The following PLXNB3 variants were observed in gnomAD, a reference collection of about 807,000 sequenced individuals.
The protein encoded by PLXNB3 is plexin-B3.
In PLXNB3, 80 loss-of-function variants were observed where a neutral mutation model predicts 125.7. That is an observed-to-expected ratio of 0.64 (90% CI 0.53 to 0.77). The LOEUF is 0.77. PLXNB3 is among the 30% of genes least tolerant of loss of function. The pLI, the probability that PLXNB3 is intolerant of heterozygous loss-of-function variation, is 0.00. For synonymous variants in PLXNB3, 954 were observed against 783.3 expected (o/e 1.22, Z -3.64); for missense variants, 1,836 against 1,729.3 (o/e 1.06, Z -1.09).
chrX:153,769,084 C>G lies in PLXNB3; in HGVS notation c.1395+8C>G. The G allele has an allele frequency of 2.5e-6, 3 of 1,207,421 alleles. No individual in the cohort carries two copies. The highest frequency in any genetic ancestry group is 3.4e-6 in the Non-Finnish European group (3 of 892,583). ...GTCCTGACTGCCCACCAGGTGAGGGCCATCCTGGGGCTGAAGGGGCCAGCA... is the reference window on the plus strand; with the variant it reads ...GTCCTGACTGCCCACCAGGTGAGGGGCATCCTGGGGCTGAAGGGGCCAGCA... On this transcript the variant is annotated splice_region_variant and intron_variant, in intron 5 of 35. Coordinates refer to ENST00000361971, the MANE Select transcript of PLXNB3 (RefSeq NM_005393.3).
At chrX:153,764,937 T>G (rs1285016833) in intron 1 of PLXNB3, among the ~76,000 whole-genome samples, 4 of 112,831 alleles carry the variant, frequency 3.5e-5, no homozygotes, top group African/African-American at 1.3e-4. Context: ...ACTTCACCAG[T>G]CCCCAGGGGC....
rs2092015924 is a variant in PLXNB3, at chrX:153,778,044, C to T, written c.5358C>T (p.Ile1786=). 1.2e-5 allele frequency: 15 copies of T among 1,211,901 alleles called. No homozygotes were observed. Among genetic ancestry groups the T allele is most frequent in the African/African-American group, 1.7e-5 (1 of 57,937 alleles). The change falls in exon 32 of 36, where the codon ATC becomes ATT. Residue 1786 remains isoleucine, a synonymous_variant. Coordinates refer to ENST00000361971, the MANE Select transcript of PLXNB3 (RefSeq NM_005393.3). ...SDNVDAILAV[I]AQTFIDSCTT... The stretch of plus-strand genomic sequence containing the variant: ...ATGTGGACGCCATCCTTGCTGTCAT[C>T]GCCCAGACCTTCATTGACTCCTGTA...
Position 153,767,296 on chromosome X carries a change from G to A in PLXNB3, c.469G>A (p.Asp157Asn). ...DVAEVLYQAEDPGDGQFVAAN... is the reference protein window; with the variant it reads ...DVAEVLYQAENPGDGQFVAAN... ...GGCCGAGGTGCTGTACCAGGCTGAG[G>A]ACCCTGGTGACGGGCAGTTTGTGGC... The change falls in exon 3 of 36, where the codon GAC becomes AAC. Residue 157 changes from aspartate to asparagine, a missense_variant. Coordinates refer to ENST00000361971, the MANE Select transcript of PLXNB3 (RefSeq NM_005393.3). 8.3e-7 allele frequency: 1 copy of A among 1,206,031 alleles called. No individual in the cohort carries two copies. The highest frequency in any genetic ancestry group is 1.1e-6 in the Non-Finnish European group (1 of 892,863).
chrX:153,775,934 C>T lies in PLXNB3; in HGVS notation c.4449C>T (p.Tyr1483=). The change falls in exon 27 of 36, where the codon TAC becomes TAT. Residue 1483 remains tyrosine (Y), a synonymous_variant. Coordinates refer to ENST00000361971, the MANE Select transcript of PLXNB3 (RefSeq NM_005393.3). ...ACATGCTCTTCCGGGCCATCCAGTA[C>T]CAGGTGGACAAAGGCCCCGTGGACG... The part of the protein sequence containing the change: ...PLYMLFRAIQ[Y]QVDKGPVDAV... 1 of 1,211,205 alleles carries T rather than the reference C, an allele frequency of 8.3e-7. No homozygotes were observed. The highest frequency in any genetic ancestry group is 1.1e-6 in the Non-Finnish European group (1 of 895,438).
In PLXNB3 at chrX:153,768,320, G is replaced by T. The variant is rs782134831; in HGVS notation, c.1158G>T (p.Glu386Asp). 5 of 1,209,808 alleles carry T rather than the reference G, an allele frequency of 4.1e-6. No individual in the cohort carries two copies. The highest frequency in any genetic ancestry group is 4.5e-6 in the Non-Finnish European group (4 of 894,218). The change falls in exon 4 of 36, where the codon GAG (glutamate) becomes GAT (aspartate). Residue 386 changes from glutamate (E) to aspartate (D), a missense_variant. Coordinates refer to ENST00000361971, the MANE Select transcript of PLXNB3 (RefSeq NM_005393.3). The part of the protein sequence containing the change: ...PSPIAGRQPL[E>D]VQPLLKLGQP... ...CCATTGCTGGCCGCCAGCCCCTGGA[G>T]GTCCAGCCTCTGCTGAAGCTCGGGC...
At chrX:153,771,189 G>A (rs1397809910) in intron 12 of PLXNB3, 108 bp downstream of exon 12, 4 of 916,648 alleles carry the variant, frequency 4.4e-6, no homozygotes, top group Non-Finnish European at 4.7e-6. Context: ...CTGTCTGTGG[G>A]CCCCAGTCTT....
chrX:153,768,864 A>G, intron 4 of PLXNB3, 84 bp from the exon 5 acceptor site: 2 of 1,065,217 alleles, frequency 1.9e-6, no homozygotes, highest in East Asian at 6.1e-5. Flanking sequence ...TCTAAAAAGG[A>G]GCCCCCACTA....
rs782479583 is a variant in PLXNB3 at position 153,769,676 on chromosome X, AGTCCCCTTCACGCCTC to A, written c.1497-130_1497-115del. 114 of 679,813 alleles carry A rather than the reference AGTCCCCTTCACGCCTC, an allele frequency of 1.7e-4. No individual in the cohort carries two copies. The East Asian group carries it at 2.1e-3, about 13-fold the overall frequency. The allele number at this position is 679,813 out of a possible 1,213,427, so 56.0% of individuals were successfully genotyped here. A position where few individuals can be genotyped will look rare whatever the true frequency, so the allele number is the denominator to read the frequency against. Reference sequence around the variant, plus strand: ...GCTTGGCCCCTTTCTCTCTGGACACAGTCCCCTTCACGCCTCCTGCTCATTGCACCCCACTGCACTC... The same window carrying A: ...GCTTGGCCCCTTTCTCTCTGGACACACTGCTCATTGCACCCCACTGCACTC... On this transcript the variant is annotated intron_variant, in intron 6 of 35. Coordinates refer to ENST00000361971, the MANE Select transcript of PLXNB3 (RefSeq NM_005393.3).
Position 153,778,036 on chromosome X carries a change from G to A in PLXNB3, c.5350G>A (p.Ala1784Thr). The A allele has an allele frequency of 1.7e-6, 2 of 1,211,949 alleles. No individual in the cohort carries two copies. Among genetic ancestry groups the A allele is most frequent in the Non-Finnish European group, 2.2e-6 (2 of 895,514 alleles). Reference sequence around the variant, plus strand: ...GTCGGACAATGTGGACGCCATCCTTGCTGTCATCGCCCAGACCTTCATTGA... The same window carrying A: ...GTCGGACAATGTGGACGCCATCCTTACTGTCATCGCCCAGACCTTCATTGA... ...RVSDNVDAIL[A>T]VIAQTFIDSC... The change falls in exon 32 of 36, where the codon GCT becomes ACT. Residue 1784 changes from alanine (A) to threonine (T), a missense_variant. By Grantham distance (58) the Ala-to-Thr change is moderately conservative. Transcript: ENST00000361971.
At position 153,771,545 on chromosome X, in the gene PLXNB3, A is replaced by G; in HGVS notation, c.2407A>G (p.Arg803Gly). 8.3e-7 allele frequency: 1 copy of G among 1,208,501 alleles called. No homozygotes were observed. ...CTGCAGCCACTGCCAAGCGGCCAAC[A>G]GGAGCCTGGGCTGCCTGTGGTGTGC... is the stretch of plus-strand genomic sequence containing the variant. ...PDCSHCQAAN[R>G]SLGCLWCADG... The change falls in exon 14 of 36, where the codon AGG (arginine) becomes GGG (glycine). Residue 803 changes from arginine to glycine, a missense_variant. Transcript: ENST00000361971.
intron 3 of PLXNB3, 55 bp from the exon 4 acceptor site, chrX:153,768,194 C>A (rs2148414962): frequency 1.8e-6 from 2 of 1,100,821 alleles, no homozygotes; most frequent in Non-Finnish European, 2.5e-6. Context: ...GGTACCCCCC[C>A]TGACTGCCTC....
chrX:153,771,891 G>A lies in PLXNB3; in HGVS notation c.2545G>A (p.Gly849Arg). 1 of 1,209,379 alleles carries A rather than the reference G, an allele frequency of 8.3e-7. No homozygotes were observed. The highest frequency in any genetic ancestry group is 1.1e-6 in the Non-Finnish European group (1 of 895,121). ...AVEPLTGPPEGGLALTILGSN... is the reference protein window; with the variant it reads ...AVEPLTGPPERGLALTILGSN... ...CGAGCCCCTGACCGGTCCCCCTGAGGGAGGCTTGGCCCTCACCATCCTGGG... is the reference window on the plus strand; with the variant it reads ...CGAGCCCCTGACCGGTCCCCCTGAGAGAGGCTTGGCCCTCACCATCCTGGG... The change falls in exon 15 of 36, where the codon GGA becomes AGA. Residue 849 changes from glycine to arginine, a missense_variant. By Grantham distance (125) the Gly-to-Arg change is moderately radical. Transcript: ENST00000361971.
At position 153,774,771 on chromosome X, in the gene PLXNB3, C is replaced by G. The variant is rs1557063407; in HGVS notation, c.3896C>G (p.Thr1299Ser). ...CTAGTGCAGCTGGAGAGCCTGGAGACCGGCGTGGGAGACCAGTGCCGCAAG... is the reference window on the plus strand; with the variant it reads ...CTAGTGCAGCTGGAGAGCCTGGAGAGCGGCGTGGGAGACCAGTGCCGCAAG... ...KVLVQLESLE[T>S]GVGDQCRKEF... Residue 1299 changes from threonine to serine, a missense_variant, in exon 23 of 36, where the codon ACC becomes AGC. Thr to Ser is a moderately conservative substitution (Grantham distance 58). Transcript: ENST00000361971. 2 of 1,203,019 alleles carry G rather than the reference C, an allele frequency of 1.7e-6. No homozygotes were observed. Among genetic ancestry groups the G allele is most frequent in the Non-Finnish European group, 2.2e-6 (2 of 890,960 alleles).
Position 153,775,600 on chromosome X carries a change from G to C in PLXNB3, c.4341G>C (p.Glu1447Asp), listed in dbSNP as rs782278086. 4.1e-6 allele frequency: 5 copies of C among 1,209,552 alleles called. No individual in the cohort carries two copies. Among genetic ancestry groups the C allele is most frequent in the Non-Finnish European group, 5.6e-6 (5 of 894,801 alleles). The change falls in exon 26 of 36, where the codon GAG becomes GAC. Residue 1447 changes from glutamate (E) to aspartate (D), a missense_variant. Glu to Asp is a conservative substitution (Grantham distance 45). Coordinates refer to ENST00000361971, the MANE Select transcript of PLXNB3 (RefSeq NM_005393.3). ...RNPKLMLRRTETMVEKLLTNW... is the reference protein window; with the variant it reads ...RNPKLMLRRTDTMVEKLLTNW... ...TGTGGCCGGCTCCCCGCAGGACAGA[G>C]ACCATGGTGGAGAAACTGCTCACCA...
Position 153,772,906 on chromosome X carries a change from G to C in PLXNB3, c.2796G>C (p.Leu932=), listed in dbSNP as rs782345329. Residue 932 remains leucine (L), a synonymous_variant, in exon 17 of 36, where the codon CTG becomes CTC. Transcript: ENST00000361971. ...GCCAGGACCCTGTCCTGCTGAGCCT[G>C]AGTCCTCGCTGGGGCCCCCAGGCAG... The part of the protein sequence containing the change: ...FTYQDPVLLS[L]SPRWGPQAGG... 37 of 1,151,063 alleles carry C rather than the reference G, an allele frequency of 3.2e-5. No homozygotes were observed. Among genetic ancestry groups the C allele is most frequent in the Non-Finnish European group, 4.2e-5 (37 of 871,314 alleles). The allele number at this position is 1,151,063 out of a possible 1,213,427, so 94.9% of individuals were successfully genotyped here. A position where few individuals can be genotyped will look rare whatever the true frequency, so the allele number is the denominator to read the frequency against.
At chrX:153,776,500 GGGGCA>G (rs1287567262) in intron 28 of PLXNB3, 41 bp downstream of exon 28, 3 of 434,114 alleles carry the variant, frequency 6.9e-6, no homozygotes, top group Middle Eastern at 6.1e-4. Flanking sequence ...GGGCTGGGGC[GGGGCA>G]GGGCGAGGCA....
chrX:153,770,470 G>T, intron 9 of PLXNB3, 24 bp downstream of exon 9: 1 of 1,200,518 alleles, frequency 8.3e-7, no homozygotes, highest in Non-Finnish European at 1.1e-6. Flanking sequence ...CCTGCCTCCT[G>T]GGGTAGGGGT....
chrX:153,774,321 G>C lies in PLXNB3; in HGVS notation c.3655G>C (p.Gly1219Arg). 8.6e-7 allele frequency: 1 copy of C among 1,160,942 alleles called. No homozygotes were observed. Among genetic ancestry groups the C allele is most frequent in the South Asian group, 1.9e-5 (1 of 53,006 alleles). The change falls in exon 21 of 36, where the codon GGC becomes CGC. Residue 1219 changes from glycine to arginine, a missense_variant. Coordinates refer to ENST00000361971, the MANE Select transcript of PLXNB3 (RefSeq NM_005393.3). Reference sequence around the variant, plus strand: ...TGCGCACGCCCCGCAGCCTGCCAATGGCTCCGGCCTGCCACAGTTCGTGGT... The same window carrying C: ...TGCGCACGCCCCGCAGCCTGCCAATCGCTCCGGCCTGCCACAGTTCGTGGT... ...PPAHAPQPAN[G>R]SGLPQFVVQM...
chrX:153,777,605 G>T lies in PLXNB3; in HGVS notation c.5178G>T (p.Lys1726Asn). 2 of 1,211,783 alleles carry T rather than the reference G, an allele frequency of 1.7e-6. No individual in the cohort carries two copies. Among genetic ancestry groups the T allele is most frequent in the Non-Finnish European group, 2.2e-6 (2 of 895,334 alleles). Residue 1726 changes from lysine to asparagine, a missense_variant, in exon 31 of 36, where the codon AAG becomes AAT. Coordinates refer to ENST00000361971, the MANE Select transcript of PLXNB3 (RefSeq NM_005393.3). ...ACCGGCCCATCCCCATCGCCGTCAAGTACCTGTTTGACCTTCTGGATGAGC... is the reference window on the plus strand; with the variant it reads ...ACCGGCCCATCCCCATCGCCGTCAATTACCTGTTTGACCTTCTGGATGAGC... ...SVNRPIPIAVKYLFDLLDELA... is the reference protein window; with the variant it reads ...SVNRPIPIAVNYLFDLLDELA...
Sources: allele counts gnomAD v4.1 joint callset (sites outside exome capture counted in the v4.1 genomes callset), GRCh38; gene constraint gnomAD v4.1.1; transcripts MANE v1.5; gene names NCBI Gene and HGNC (gene_info 2026-07-23, HGNC 2026-07-21).